Variants in ZNF462 observed in about 807,000 individuals in gnomAD.
ZNF462 encodes the protein zinc finger PBX1-interacting protein.
Under a neutral mutation model 201.9 loss-of-function variants are expected in ZNF462, and 10 were observed. The ratio of observed to expected loss-of-function variants is 0.05; its 90% CI spans 0.03 to 0.08. The LOEUF is 0.08. Ranked by LOEUF, ZNF462 falls within the 10% of genes least tolerant of loss-of-function variation. The pLI is 1.00. For synonymous variants in ZNF462, 1,227 were observed against 1,193.3 expected, an observed-to-expected ratio of 1.03 and a Z score of -0.58; for missense variants, 2,523 against 3,168.3, an observed-to-expected ratio of 0.80 and a Z score of 4.89.
chr9:107,000,199 G>T (rs937068951), intron 10 of ZNF462, among the ~76,000 whole-genome samples: 2 of 151,984 alleles, frequency 1.3e-5, no homozygotes, highest in African/African-American at 4.8e-5. Context: ...ACCTCAGTAA[G>T]TTCAGGGTGG....
At chr9:106,995,930 A>G (rs1188712488) in intron 10 of ZNF462, among the ~76,000 whole-genome samples, 1 of 152,146 alleles carries the variant, frequency 6.6e-6, no homozygotes, top group Non-Finnish European at 1.5e-5. Flanking sequence ...CTCGTCATTT[A>G]CATTAGGTAT....
In ZNF462 at chr9:106,924,074, C is replaced by A; in HGVS notation, c.221-59C>A. 1 of 1,388,514 alleles carries A rather than the reference C, an allele frequency of 7.2e-7. No homozygotes were observed. The highest frequency in any genetic ancestry group is 9.8e-7 in the Non-Finnish European group (1 of 1,015,954). The allele number at this position is 1,388,514 out of a possible 1,614,324, so 86.0% of individuals were successfully genotyped here. ...GAATAATTGGAATGGTACTGATTTG[C>A]ATGATTGGATATTTTAATTATCTTT... On this transcript the variant is annotated intron_variant, in intron 2 of 12. Coordinates refer to ENST00000277225, the MANE Select transcript of ZNF462 (RefSeq NM_021224.6). The surrounding 1 kb of genome is among the most constrained non-coding windows in gnomAD (Gnocchi z 6.2).
rs542276312 is a variant in ZNF462, at chr9:106,890,225, C to A, written c.-31+26870C>A. The stretch of plus-strand genomic sequence containing the variant: ...TGAGAATTTCGTGGCCTTGACTGAG[C>A]TGTGTATGGCCTCACTCTTCAATTC... On this transcript the variant is annotated intron_variant, in intron 1 of 12. Coordinates refer to ENST00000277225, the MANE Select transcript of ZNF462 (RefSeq NM_021224.6). This position sits in a 1 kb window ranked among gnomAD's most constrained non-coding sequence, Gnocchi z 4.2. Among the ~76,000 whole-genome samples the A allele has an allele frequency of 1.8e-4, 27 of 152,352 alleles. No individual in the cohort carries two copies. The highest frequency in any genetic ancestry group is 6.5e-4 in the African/African-American group (27 of 41,580).
rs1830487504 is a variant in ZNF462 at position 106,933,077 on chromosome 9, T to C, written c.6116+528T>C. ...GGAGCTTCCCATTACTCATCACAGC[T>C]TTGAAAGTGTAAATATGGAATAGGT... On this transcript the variant is annotated intron_variant, in intron 5 of 12. Coordinates refer to ENST00000277225, the MANE Select transcript of ZNF462 (RefSeq NM_021224.6). This position sits in a 1 kb window ranked among gnomAD's most constrained non-coding sequence, Gnocchi z 4.3. 1 of 168,014 alleles carries C rather than the reference T, an allele frequency of 6.0e-6. No homozygotes were observed. The highest frequency in any genetic ancestry group is 1.3e-5 in the Non-Finnish European group (1 of 76,810). 10.4% of individuals were successfully genotyped at this position (168,014 alleles called of 1,614,324 possible).
At position 106,932,986 on chromosome 9, in the gene ZNF462, T is replaced by A. The variant is rs1315062330; in HGVS notation, c.6116+437T>A. On this transcript the variant is annotated intron_variant, in intron 5 of 12. Coordinates refer to ENST00000277225, the MANE Select transcript of ZNF462 (RefSeq NM_021224.6). The surrounding 1 kb of genome is among the most constrained non-coding windows in gnomAD (Gnocchi z 6.8). Reference sequence around the variant, plus strand: ...ACATTGCTTGCAATTTTTCAAAAGATCTTGAAAGGTAAAGAAGTTCATGGA... The same window carrying A: ...ACATTGCTTGCAATTTTTCAAAAGAACTTGAAAGGTAAAGAAGTTCATGGA... 6.6e-6 allele frequency among the ~76,000 whole-genome samples: 1 copy of A among 152,164 alleles called. No individual in the cohort carries two copies. Among genetic ancestry groups the A allele is most frequent in the Non-Finnish European group, 1.5e-5 (1 of 68,034 alleles).
At chr9:106,916,155 G>A (rs1435814092) in intron 1 of ZNF462, among the ~76,000 whole-genome samples, 2 of 152,002 alleles carry the variant, frequency 1.3e-5, no homozygotes, top group African/African-American at 4.8e-5. Flanking sequence ...CATAGTAATA[G>A]AAAACAAGGT....
At position 106,923,204 on chromosome 9, in the gene ZNF462, C is replaced by T; in HGVS notation, c.-30-150C>T. The T allele has an allele frequency of 1.6e-6, 1 of 617,292 alleles. No homozygotes were observed. The highest frequency in any genetic ancestry group is 2.0e-5 in the South Asian group (1 of 49,692). The allele number at this position is 617,292 out of a possible 1,614,324, so 38.2% of individuals were successfully genotyped here. ...TCATCTCCATTATGTCTGATTGCCTCTCTTTAGCCAATGTTCCAACTGGCA... is the reference window on the plus strand; with the variant it reads ...TCATCTCCATTATGTCTGATTGCCTTTCTTTAGCCAATGTTCCAACTGGCA... On this transcript the variant is annotated intron_variant, in intron 1 of 12. Coordinates refer to ENST00000277225, the MANE Select transcript of ZNF462 (RefSeq NM_021224.6). This position sits in a 1 kb window ranked among gnomAD's most constrained non-coding sequence, Gnocchi z 5.6.
chr9:106,915,098 C>G (rs1451186511), intron 1 of ZNF462, among the ~76,000 whole-genome samples: 6 of 151,978 alleles, frequency 3.9e-5, no homozygotes, highest in Non-Finnish European at 8.8e-5. Context: ...AAGACTTGCT[C>G]TCAAGGTGAA....
chr9:106,906,038 G>A (rs1022666724), intron 1 of ZNF462, among the ~76,000 whole-genome samples: 1 of 152,156 alleles, frequency 6.6e-6, no homozygotes, highest in Non-Finnish European at 1.5e-5. Flanking sequence ...GGAATGGGCC[G>A]CTTGGGGACC....
At chr9:106,900,009 C>G (rs895558191) in intron 1 of ZNF462, among the ~76,000 whole-genome samples, 1 of 148,298 alleles carries the variant, frequency 6.7e-6, no homozygotes, top group Non-Finnish European at 1.5e-5. Flanking sequence ...CTCTTCCCCC[C>G]AAGTCCCCAA....
Position 106,883,352 on chromosome 9 carries a change from T to G in ZNF462, c.-31+19997T>G, listed in dbSNP as rs188961190. Among the ~76,000 whole-genome samples the G allele has an allele frequency of 1.6e-3, 237 of 152,346 alleles. 1 individual carries two copies. The highest frequency in any genetic ancestry group is 0.01 in the Middle Eastern group (3 of 294). ...ATAATAGCGGGAAAGTCAAAGCCTT[T>G]CTAAAGCAGAGACCATATTAATGCT... On this transcript the variant is annotated intron_variant, in intron 1 of 12. Transcript: ENST00000277225. This position sits in a 1 kb window ranked among gnomAD's most constrained non-coding sequence, Gnocchi z 4.9.
chr9:106,877,318 T>C (rs917352232), intron 1 of ZNF462, among the ~76,000 whole-genome samples: 5 of 150,882 alleles, frequency 3.3e-5, no homozygotes, highest in African/African-American at 4.9e-5. Flanking sequence ...TTTTTTTTTT[T>C]TTTTACATTT....
Position 106,977,873 on chromosome 9 carries a change from T to C in ZNF462, c.6832+3600T>C, listed in dbSNP as rs548456066. The stretch of plus-strand genomic sequence containing the variant: ...AGATTAAAACAATAGAAATGTATTC[T>C]CTCACAGTTCTGGAAGCTAGAACTC... On this transcript the variant is annotated intron_variant, in intron 9 of 12. Transcript: ENST00000277225. This position sits in a 1 kb window ranked among gnomAD's most constrained non-coding sequence, Gnocchi z 4.6. 1.5e-4 allele frequency among the ~76,000 whole-genome samples: 22 copies of C among 151,312 alleles called. No individual in the cohort carries two copies. The highest frequency in any genetic ancestry group is 1.4e-3 in the Admixed American group (21 of 15,240).
rs1295840667 is a variant in ZNF462, at chr9:106,966,767, C to G, written c.6428-5238C>G. Among the ~76,000 whole-genome samples, 4 of 152,120 alleles carry G rather than the reference C, an allele frequency of 2.6e-5. No homozygotes were observed. Among genetic ancestry groups the G allele is most frequent in the African/African-American group, 9.7e-5 (4 of 41,440 alleles). ...TGAATCATTTGCCCCTTGGCCACCT[C>G]TAAAATTTGCTTGCCTAAAATTCCT... On this transcript the variant is annotated intron_variant, in intron 7 of 12. Transcript: ENST00000277225. This position sits in a 1 kb window ranked among gnomAD's most constrained non-coding sequence, Gnocchi z 4.4.
Position 106,928,502 on chromosome 9 carries a change from A to C in ZNF462, c.4590A>C (p.Val1530=), listed in dbSNP as rs766020460. The C allele has an allele frequency of 5.0e-6, 8 of 1,614,172 alleles. No homozygotes were observed. The Middle Eastern group carries it at 4.9e-4, about 100-fold the overall frequency. The change falls in exon 3 of 13, where the codon GTA becomes GTC. Residue 1530 remains valine, a synonymous_variant. Coordinates refer to ENST00000277225, the MANE Select transcript of ZNF462 (RefSeq NM_021224.6). The surrounding 1 kb of genome is among the most constrained non-coding windows in gnomAD (Gnocchi z 9.3). ...ACATCAACACCCGCATCCACGGCGT[A>C]CTGACCCACTACCAGAAGCGACACC... ...CPYINTRIHG[V]LTHYQKRHPS...
intron 7 of ZNF462, among the ~76,000 whole-genome samples, chr9:106,957,953 C>G (rs1197607246): frequency 6.6e-6 from 1 of 152,030 alleles, no homozygotes; most frequent in East Asian, 1.9e-4. Context: ...TCCTTTCTTT[C>G]CTTCCCATAG....
Position 106,954,572 on chromosome 9 carries a change from C to T in ZNF462, c.6427+15465C>T, listed in dbSNP as rs1831493425. On this transcript the variant is annotated intron_variant, in intron 7 of 12. Transcript: ENST00000277225. This position sits in a 1 kb window ranked among gnomAD's most constrained non-coding sequence, Gnocchi z 4.0. Reference sequence around the variant, plus strand: ...GTTTATACCCAGCCTTTTCTCTTTCCATCAGCTGCCTCATTCTCCCTATAT... The same window carrying T: ...GTTTATACCCAGCCTTTTCTCTTTCTATCAGCTGCCTCATTCTCCCTATAT... Among the ~76,000 whole-genome samples, 1 of 151,872 alleles carries T rather than the reference C, an allele frequency of 6.6e-6. No homozygotes were observed. Among genetic ancestry groups the T allele is most frequent in the African/African-American group, 2.4e-5 (1 of 41,372 alleles).
rs578201219 is a variant in ZNF462, at chr9:106,880,726, C to G, written c.-31+17371C>G. On this transcript the variant is annotated intron_variant, in intron 1 of 12. Coordinates refer to ENST00000277225, the MANE Select transcript of ZNF462 (RefSeq NM_021224.6). The surrounding 1 kb of genome is among the most constrained non-coding windows in gnomAD (Gnocchi z 4.1). ...TTAAATGTGTTTGTAGTCAGAACTTCAGTATAAGGGAAAAGTAAAACATTT... is the reference window on the plus strand; with the variant it reads ...TTAAATGTGTTTGTAGTCAGAACTTGAGTATAAGGGAAAAGTAAAACATTT... Among the ~76,000 whole-genome samples the G allele has an allele frequency of 2.0e-5, 3 of 152,276 alleles. No homozygotes were observed. The highest frequency in any genetic ancestry group is 7.2e-5 in the African/African-American group (3 of 41,540).
In ZNF462 at chr9:106,930,905, A is replaced by ACG. The variant is rs897469247; in HGVS notation, c.6012+219_6012+220dup. The stretch of plus-strand genomic sequence containing the variant: ...TCGAGTTTCGATCTGGTTTCCTTCC[A>ACG]CGCGGATAGTTTGGTGGCAGCAGAA... On this transcript the variant is annotated intron_variant, in intron 4 of 12. Coordinates refer to ENST00000277225, the MANE Select transcript of ZNF462 (RefSeq NM_021224.6). The surrounding 1 kb of genome is among the most constrained non-coding windows in gnomAD (Gnocchi z 5.8). The ACG allele has an allele frequency of 1.8e-5, 9 of 507,884 alleles. No individual in the cohort carries two copies. Among genetic ancestry groups the ACG allele is most frequent in the Non-Finnish European group, 2.8e-5 (8 of 289,778 alleles). The allele number at this position is 507,884 out of a possible 1,614,324, so 31.5% of individuals were successfully genotyped here.
Sources: allele counts gnomAD v4.1 joint callset (sites outside exome capture counted in the v4.1 genomes callset), GRCh38; gene constraint gnomAD v4.1.1; non-coding constraint Gnocchi (gnomAD v3.1); transcripts MANE v1.5; gene names NCBI Gene and HGNC (gene_info 2026-07-23, HGNC 2026-07-21).